NTM: variants seen among roughly 807,000 people sequenced by gnomAD.
NTM encodes the protein neurotrimin, also known as IgLON family member 2.
A neutral mutation model predicts 42.1 loss-of-function variants in NTM; 13 were observed. That is an observed-to-expected ratio of 0.31 (90% confidence interval 0.20 to 0.49). The LOEUF is 0.49. Ranked by LOEUF, NTM falls within the 20% of genes least tolerant of loss-of-function variation. The pLI, the probability that NTM is intolerant of heterozygous loss-of-function variation, is 0.99. For missense variants in NTM, 373 were observed against 452.8 expected, an observed-to-expected ratio of 0.82 and a Z score of 1.60; for synonymous variants, 187 against 179.2, an observed-to-expected ratio of 1.04 and a Z score of -0.35.
At chr11:131,880,397 A>G (rs938006760) in intron 1 of NTM, among the ~76,000 whole-genome samples, 1 of 152,218 alleles carries the variant, frequency 6.6e-6, no homozygotes, top group Non-Finnish European at 1.5e-5. Context: ...GGCTATAAAT[A>G]CCTTCAAGGT....
At chr11:132,170,872 C>T (rs2137832990) in intron 3 of NTM, among the ~76,000 whole-genome samples, 1 of 152,148 alleles carries the variant, frequency 6.6e-6, no homozygotes, top group East Asian at 1.9e-4. Flanking sequence ...GATAAATGGT[C>T]CTTGACCTCA....
intron 2 of NTM, among the ~76,000 whole-genome samples, chr11:132,087,846 A>C (rs565949356): frequency 6.6e-6 from 1 of 152,348 alleles, no homozygotes; most frequent in African/African-American, 2.4e-5. Context: ...TGTCAGATCA[A>C]GTTGGATTAA....
intron 4 of NTM, among the ~76,000 whole-genome samples, chr11:132,251,170 C>A (rs1378831987): frequency 2.6e-5 from 4 of 152,304 alleles, no homozygotes; most frequent in South Asian, 4.1e-4. Context: ...CAGCTTTTTG[C>A]AGTCTCCACT....
intron 1 of NTM, among the ~76,000 whole-genome samples, chr11:131,667,214 C>A (rs1267039959): frequency 1.3e-5 from 2 of 152,146 alleles, no homozygotes; most frequent in African/African-American, 4.8e-5. Context: ...ATCTACAAAG[C>A]CTGTGGATCC....
intron 2 of NTM, among the ~76,000 whole-genome samples, chr11:131,977,855 C>T (rs549316883): frequency 6.6e-6 from 1 of 152,284 alleles, no homozygotes; most frequent in African/African-American, 2.4e-5. Flanking sequence ...TACAATGACT[C>T]TTTATGTGGC....
intron 2 of NTM, among the ~76,000 whole-genome samples, chr11:131,959,494 G>A (rs1237841331): frequency 6.6e-6 from 1 of 152,092 alleles, no homozygotes; most frequent in Non-Finnish European, 1.5e-5. Flanking sequence ...AAATTAGCCA[G>A]GTGTAGTGGT....
intron 1 of NTM, among the ~76,000 whole-genome samples, chr11:131,516,231 G>A (rs377580126): frequency 1.6e-4 from 25 of 152,312 alleles, no homozygotes; most frequent in African/African-American, 3.8e-4. Flanking sequence ...TAGCAGAGAA[G>A]CAGGTATTAT....
chr11:132,071,633 C>A (rs1033032129), intron 2 of NTM, among the ~76,000 whole-genome samples: 1 of 152,120 alleles, frequency 6.6e-6, no homozygotes, highest in Admixed American at 6.6e-5. Flanking sequence ...AGCTAAACTT[C>A]TAATGAAATG....
chr11:131,817,024 A>G (rs1324818778), intron 1 of NTM, among the ~76,000 whole-genome samples: 1 of 152,170 alleles, frequency 6.6e-6, no homozygotes, highest in Non-Finnish European at 1.5e-5. Flanking sequence ...TCTATTTACA[A>G]GTATTTCTGA....
At chr11:131,934,639 A>C (rs912376292) in intron 2 of NTM, among the ~76,000 whole-genome samples, 1 of 152,174 alleles carries the variant, frequency 6.6e-6, no homozygotes, top group African/African-American at 2.4e-5. Flanking sequence ...GCTGTGACGG[A>C]GGCTGCCTGG....
chr11:131,598,895 C>T (rs80068271), intron 1 of NTM, among the ~76,000 whole-genome samples: 448 of 44,346 alleles, frequency 0.01, 49 homozygotes, highest in African/African-American at 0.02. Context: ...TTCCTTCCTT[C>T]CTTCCTTCCT....
At chr11:132,300,464 G>C (rs1202894859) in intron 4 of NTM, among the ~76,000 whole-genome samples, 3 of 152,150 alleles carry the variant, frequency 2.0e-5, no homozygotes, top group Non-Finnish European at 4.4e-5. Flanking sequence ...AGAAATACTA[G>C]AGCTCATCAC....
rs889940617 is a variant in NTM, at chr11:131,660,989, A to G, written c.83-250575A>G. On this transcript the variant is annotated intron_variant, in intron 1 of 8. Transcript: ENST00000683400. ...AAGTTGGATGTTTTTAAAGTGGAAA[A>G]AAAAATGAACGGAAAAAGAAACGGG... 2.3e-6 allele frequency: 3 copies of G among 1,304,394 alleles called. No homozygotes were observed. The African/African-American group carries it at 4.6e-5, about 20-fold the overall frequency. 80.8% of individuals were successfully genotyped at this position (1,304,394 alleles called of 1,614,324 possible). A position where few individuals can be genotyped will look rare whatever the true frequency, so the allele number is the denominator to read the frequency against.
At chr11:132,172,136 T>A (rs566179355) in intron 3 of NTM, among the ~76,000 whole-genome samples, 179 of 152,326 alleles carry the variant, frequency 1.2e-3, no homozygotes, top group Non-Finnish European at 2.0e-3. Context: ...GTGAGTTAAG[T>A]TTGGACCACT....
chr11:131,543,756 C>A (rs745817594), intron 1 of NTM, among the ~76,000 whole-genome samples: 3 of 152,178 alleles, frequency 2.0e-5, no homozygotes, highest in Non-Finnish European at 4.4e-5. Context: ...TGCCCGTAGC[C>A]CTGCATCATC....
At chr11:131,481,743 T>C (rs963699386) in intron 1 of NTM, among the ~76,000 whole-genome samples, 6 of 152,190 alleles carry the variant, frequency 3.9e-5, no homozygotes, top group Non-Finnish European at 8.8e-5. Flanking sequence ...GAGCTCTGCA[T>C]TGTTAACAGT....
intron 1 of NTM, among the ~76,000 whole-genome samples, chr11:131,450,885 G>C (rs1214420452): frequency 6.6e-6 from 1 of 152,158 alleles, no homozygotes; most frequent in Non-Finnish European, 1.5e-5. Flanking sequence ...AGATGCCACA[G>C]AAATGTTTGT....
intron 1 of NTM, among the ~76,000 whole-genome samples, chr11:131,572,261 G>T (rs1454634880): frequency 6.6e-6 from 1 of 152,144 alleles, no homozygotes; most frequent in East Asian, 1.9e-4. Flanking sequence ...TGATGTACAA[G>T]GGGAGCCTGG....
intron 1 of NTM, among the ~76,000 whole-genome samples, chr11:131,476,861 G>A (rs1297334988): frequency 3.6e-5 from 5 of 138,602 alleles, no homozygotes; most frequent in Admixed American, 8.3e-5. Context: ...GTTTATTTTT[G>A]TCTTATGATG....
Sources: gnomAD v4.1 joint callset for allele counts (sites outside exome capture counted in the v4.1 genomes callset) on GRCh38, gnomAD v4.1.1 for gene constraint, MANE v1.5 for transcripts, NCBI Gene and HGNC (gene_info 2026-07-23, HGNC 2026-07-21) for gene names.